The following CXCL13 variants were observed in gnomAD, a reference collection of about 807,000 sequenced individuals.
CXCL13 encodes C-X-C motif chemokine ligand 13.
CXCL13 carries 7 observed loss-of-function variants against 12.2 expected under a neutral mutation model. The ratio of observed to expected loss-of-function variants is 0.57; its 90% CI spans 0.33 to 1.07. The LOEUF (loss-of-function observed/expected upper bound fraction) is 1.07. Ranked by LOEUF, CXCL13 falls within the 50% of genes least tolerant of loss-of-function variation. The pLI is 0.04. For synonymous variants in CXCL13, 47 were observed against 42.4 expected (o/e 1.11, Z -0.42); for missense variants, 113 against 127.4 (o/e 0.89, Z 0.55).
intron 1 of CXCL13, among the ~76,000 whole-genome samples, chr4:77,558,353 C>A (rs1021163522): frequency 6.6e-6 from 1 of 152,010 alleles, no homozygotes; most frequent in African/African-American, 2.4e-5. Context: ...GAGGAGTGAA[C>A]TACTTCTAAT....
chr4:77,562,965 A>ACAGTG (rs1725847865), intron 1 of CXCL13, among the ~76,000 whole-genome samples: 1 of 151,780 alleles, frequency 6.6e-6, no homozygotes, highest in Admixed American at 6.6e-5. Context: ...GGCAACCCCC[A>ACAGTG]TGGGTCCCCT....
At chr4:77,570,652 G>C (rs1293758747) in intron 1 of CXCL13, among the ~76,000 whole-genome samples, 1 of 152,196 alleles carries the variant, frequency 6.6e-6, no homozygotes, top group Non-Finnish European at 1.5e-5. Context: ...TCAGTTTGCA[G>C]GGAGGTGTGG....
chr4:77,515,239 G>C (rs564003175), intron 1 of CXCL13, among the ~76,000 whole-genome samples: 1 of 152,142 alleles, frequency 6.6e-6, no homozygotes, highest in Non-Finnish European at 1.5e-5. Flanking sequence ...GTCAGGTAGC[G>C]TGATGCCTCC....
At chr4:77,592,324 A>G (rs900163459) in intron 1 of CXCL13, among the ~76,000 whole-genome samples, 3 of 152,226 alleles carry the variant, frequency 2.0e-5, no homozygotes, top group African/African-American at 4.8e-5. Context: ...GAAATAAGCC[A>G]GGCATAGAAA....
chr4:77,597,892 T>C lies in CXCL13; in HGVS notation c.-42-7932T>C, dbSNP rs995986867. 4.3e-4 allele frequency among the ~76,000 whole-genome samples: 66 copies of C among 152,252 alleles called. 1 individual carries two copies. Among genetic ancestry groups the C allele is most frequent in the Admixed American group, 6.5e-5 (1 of 15,286 alleles). ...AAAGACTAGGAGAGGTGAGAGAGCTTTGGGAGACTGCCAGGTGTATAAGAG... is the reference window on the plus strand; with the variant it reads ...AAAGACTAGGAGAGGTGAGAGAGCTCTGGGAGACTGCCAGGTGTATAAGAG... On this transcript the variant is annotated intron_variant, in intron 1 of 4. Coordinates refer to the CXCL13 transcript ENST00000286758.
At position 77,611,769 on chromosome 4, in the gene CXCL13, C is replaced by A. The variant is rs1215727850; in HGVS notation, c.*730C>A. 1.5e-5 allele frequency: 6 copies of A among 397,914 alleles called. No homozygotes were observed. Among genetic ancestry groups the A allele is most frequent in the Admixed American group, 4.4e-5 (1 of 22,578 alleles). The allele number at this position is 397,914 out of a possible 1,614,324, so 24.6% of individuals were successfully genotyped here. A position where few individuals can be genotyped will look rare whatever the true frequency, so the allele number is the denominator to read the frequency against. On this transcript the variant is annotated 3_prime_UTR_variant, in exon 4 of 4. Coordinates refer to ENST00000682537, the MANE Select transcript of CXCL13 (RefSeq NM_001371558.1). Reference sequence around the variant, plus strand: ...GGCGGGGCCGGGGGGACTCTGGTATCTAATTCTTTAATGATTCCTATAAAT... The same window carrying A: ...GGCGGGGCCGGGGGGACTCTGGTATATAATTCTTTAATGATTCCTATAAAT...
intron 1 of CXCL13, among the ~76,000 whole-genome samples, chr4:77,518,141 G>A (rs1724476713): frequency 6.6e-6 from 1 of 152,188 alleles, no homozygotes; most frequent in South Asian, 2.1e-4. Context: ...CTTCTGGCTT[G>A]TAGAGTTTCT....
intron 1 of CXCL13, among the ~76,000 whole-genome samples, chr4:77,532,860 C>A (rs971882705): frequency 6.6e-6 from 1 of 152,182 alleles, no homozygotes; most frequent in Non-Finnish European, 1.5e-5. Context: ...CTTGTGTATT[C>A]ATCATGTAGT....
chr4:77,588,020 A>G (rs1726519806), intron 1 of CXCL13, among the ~76,000 whole-genome samples: 1 of 152,194 alleles, frequency 6.6e-6, no homozygotes. Context: ...ACTCAGCCTC[A>G]TCCACACTCT....
intron 1 of CXCL13, among the ~76,000 whole-genome samples, chr4:77,513,455 C>CTTTT (rs574725892): frequency 2.6e-4 from 37 of 144,770 alleles, no homozygotes; most frequent in African/African-American, 8.8e-4. Context: ...TGTTTCCTGA[C>CTTTT]TTTTTTTTTT....
intron 1 of CXCL13, among the ~76,000 whole-genome samples, chr4:77,542,754 G>T (rs555250529): frequency 6.6e-6 from 1 of 152,304 alleles, no homozygotes; most frequent in South Asian, 2.1e-4. Context: ...AGTGCTACTG[G>T]ATTCAGTTTG....
At chr4:77,554,257 T>TA (rs1560524585) in intron 1 of CXCL13, among the ~76,000 whole-genome samples, 1 of 151,964 alleles carries the variant, frequency 6.6e-6, no homozygotes, top group African/African-American at 2.4e-5. Flanking sequence ...TTCAAATTTT[T>TA]AAAAAACAGA....
At position 77,525,250 on chromosome 4, in the gene CXCL13, C is replaced by T. The variant is rs145042057; in HGVS notation, c.-43+13462C>T. On this transcript the variant is annotated intron_variant, in intron 1 of 4. Coordinates refer to the CXCL13 transcript ENST00000286758. ...TCAGTCTCTCTGTCTCAGAGCACAC[C>T]GACTGACTGTTGATGTGTGTAACAA... Among the ~76,000 whole-genome samples the T allele has an allele frequency of 6.2e-3, 939 of 152,296 alleles. 7 individuals are homozygous for T. Among genetic ancestry groups the T allele is most frequent in the South Asian group, 0.011 (52 of 4,818 alleles).
chr4:77,514,812 T>C (rs950603023), intron 1 of CXCL13, among the ~76,000 whole-genome samples: 1 of 152,088 alleles, frequency 6.6e-6, no homozygotes, highest in Non-Finnish European at 1.5e-5. Context: ...TTAGTTTAAT[T>C]AGATCCCATT....
chr4:77,549,742 G>T (rs976630993), intron 1 of CXCL13, among the ~76,000 whole-genome samples: 1 of 152,168 alleles, frequency 6.6e-6, no homozygotes. Context: ...AGCTGTATGA[G>T]GTGTCAGTCA....
intron 1 of CXCL13, among the ~76,000 whole-genome samples, chr4:77,535,180 T>A (rs1725030184): frequency 6.6e-6 from 1 of 152,248 alleles, no homozygotes; most frequent in African/African-American, 2.4e-5. Context: ...ATCTCTTTTT[T>A]AGAAACTGGG....
chr4:77,594,729 C>A (rs1334260004), intron 1 of CXCL13, among the ~76,000 whole-genome samples: 1 of 152,084 alleles, frequency 6.6e-6, no homozygotes, highest in Non-Finnish European at 1.5e-5. Flanking sequence ...GGGAGGGGAA[C>A]AACACACACT....
At chr4:77,545,982 C>T (rs1369450069) in intron 1 of CXCL13, among the ~76,000 whole-genome samples, 2 of 152,130 alleles carry the variant, frequency 1.3e-5, no homozygotes, top group Admixed American at 1.3e-4. Flanking sequence ...TGTTGTAGGT[C>T]TTTTCTGCCT....
At position 77,559,159 on chromosome 4, in the gene CXCL13, T is replaced by A. The variant is rs140176985; in HGVS notation, c.-42-46665T>A. The stretch of plus-strand genomic sequence containing the variant: ...CACCAGCAGTACCTTCTGCCACAGA[T>A]TGGACTCTCTAGGAAGCAGACTCTA... On this transcript the variant is annotated intron_variant, in intron 1 of 4. Transcript: ENST00000286758. 3.0e-3 allele frequency among the ~76,000 whole-genome samples: 459 copies of A among 152,260 alleles called. 3 individuals carry two copies. Among genetic ancestry groups the A allele is most frequent in the African/African-American group, 0.011 (444 of 41,552 alleles).
Sources: gnomAD v4.1 joint callset for allele counts (sites outside exome capture counted in the v4.1 genomes callset) on GRCh38, gnomAD v4.1.1 for gene constraint, MANE v1.5 for transcripts, NCBI Gene and HGNC (gene_info 2026-07-23, HGNC 2026-07-21) for gene names.